The following CCSER1 variants were observed in gnomAD, a reference collection of about 807,000 sequenced individuals.
CCSER1 encodes the protein coiled-coil serine rich protein 1.
Under a neutral mutation model 82.0 loss-of-function variants are expected in CCSER1, and 41 were observed. The ratio of observed to expected loss-of-function variants is 0.50; its 90% CI spans 0.39 to 0.65. The LOEUF is 0.65. Among genes scored for constraint, CCSER1 ranks in the 30% least tolerant of loss-of-function variants. CCSER1 has a pLI of 0.00. For missense variants in CCSER1, 1,119 were observed against 1,064.2 expected (o/e 1.05, Z -0.72); for synonymous variants, 414 against 383.9 (o/e 1.08, Z -0.92).
chr4:91,511,002 G>A (rs1355084655), intron 10 of CCSER1, among the ~76,000 whole-genome samples: 2 of 152,060 alleles, frequency 1.3e-5, no homozygotes, highest in Non-Finnish European at 2.9e-5. Context: ...GCTAATTTTT[G>A]TATATGGCGA....
At chr4:90,709,097 T>A (rs1405473007) in intron 6 of CCSER1, among the ~76,000 whole-genome samples, 1 of 152,162 alleles carries the variant, frequency 6.6e-6, no homozygotes, top group Non-Finnish European at 1.5e-5. Flanking sequence ...ATGACAGGAT[T>A]AATGAAGTTA....
intron 9 of CCSER1, among the ~76,000 whole-genome samples, chr4:91,011,199 CTG>C (rs1449950359): frequency 1.5e-5 from 2 of 134,582 alleles, no homozygotes; most frequent in African/African-American, 5.0e-5. Flanking sequence ...TCAGTGATGA[CTG>C]TGGGTGCCTC....
Position 91,598,951 on chromosome 4 carries a change from C to T in CCSER1, c.2597C>T (p.Pro866Leu). The change falls in exon 11 of 11, where the codon CCA (proline) becomes CTA (leucine). Residue 866 changes from proline (P) to leucine (L), a missense_variant. Coordinates refer to ENST00000509176, the MANE Select transcript of CCSER1 (RefSeq NM_001145065.2). ...ACCTTTACAGGCAGGTTTGGACAGCCACCCAGAGGGCCAATCTCTTTACAC... is the reference window on the plus strand; with the variant it reads ...ACCTTTACAGGCAGGTTTGGACAGCTACCCAGAGGGCCAATCTCTTTACAC... ...HSTFTGRFGQ[P>L]PRGPISLHMY... 6.4e-7 allele frequency: 1 copy of T among 1,551,548 alleles called. No homozygotes were observed. The highest frequency in any genetic ancestry group is 8.7e-7 in the Non-Finnish European group (1 of 1,146,906).
intron 10 of CCSER1, among the ~76,000 whole-genome samples, chr4:91,550,716 G>A (rs1218800536): frequency 1.3e-5 from 2 of 152,118 alleles, no homozygotes; most frequent in African/African-American, 4.8e-5. Context: ...AGTGCCTGGA[G>A]CAGAATTGGT....
At chr4:90,684,676 C>T (rs1734482705) in intron 6 of CCSER1, among the ~76,000 whole-genome samples, 1 of 152,242 alleles carries the variant, frequency 6.6e-6, no homozygotes, top group African/African-American at 2.4e-5. Flanking sequence ...TATGGTTTGG[C>T]TGTGTCCCCA....
chr4:90,494,763 T>A (rs552465737), intron 5 of CCSER1, among the ~76,000 whole-genome samples: 1 of 152,138 alleles, frequency 6.6e-6, no homozygotes, highest in Non-Finnish European at 1.5e-5. Flanking sequence ...TATTACTAAA[T>A]CAACTCCCTA....
Position 91,234,966 on chromosome 4 carries a change from T to C in CCSER1, c.2217+148972T>C, listed in dbSNP as rs559686954. 2.1e-4 allele frequency among the ~76,000 whole-genome samples: 32 copies of C among 152,150 alleles called. 1 individual carries two copies. The South Asian group carries it at 6.2e-3, about 30-fold the overall frequency. On this transcript the variant is annotated intron_variant, in intron 10 of 10. Coordinates refer to ENST00000509176, the MANE Select transcript of CCSER1 (RefSeq NM_001145065.2). ...AGCAGTCTATTCCTTTGAGAGGCAA[T>C]ATAGCCTAGAGGTTAAGAGTGCCAA...
At chr4:90,592,442 T>C (rs10030843) in intron 5 of CCSER1, among the ~76,000 whole-genome samples, 55,284 of 151,982 alleles carry the variant, frequency 0.36, 11,598 homozygotes, top group East Asian at 0.57. Context: ...CATAGTAAAA[T>C]AGCTATATGT....
chr4:91,487,387 T>C (rs1758278557), intron 10 of CCSER1, among the ~76,000 whole-genome samples: 1 of 152,122 alleles, frequency 6.6e-6, no homozygotes, highest in African/African-American at 2.4e-5. Context: ...TGCTCTTTTG[T>C]TGTGGAGAAA....
rs554267540 is a variant in CCSER1 at position 90,568,827 on chromosome 4, G to A, written c.1725-59198G>A. Among the ~76,000 whole-genome samples, 51 of 147,212 alleles carry A rather than the reference G, an allele frequency of 3.5e-4. 1 individual carries two copies. The South Asian group carries it at 9.3e-3, about 27-fold the overall frequency. On this transcript the variant is annotated intron_variant, in intron 5 of 10. Coordinates refer to ENST00000509176, the MANE Select transcript of CCSER1 (RefSeq NM_001145065.2). ...GCCCAGGCTGCAATGCAGTGGCACC[G>A]TGCCGTGTCGGCTCACTGCAACCTC... is the stretch of plus-strand genomic sequence containing the variant.
Position 90,411,311 on chromosome 4 carries a change from G to A in CCSER1, c.1603+11182G>A, listed in dbSNP as rs995673214. On this transcript the variant is annotated intron_variant, in intron 4 of 10. Transcript: ENST00000509176. ...CATCCTGATACCAAAGCCTGGCAGA[G>A]ACACAACAAAAAAAGAGAATTTGAG... Among the ~76,000 whole-genome samples, 4 of 152,208 alleles carry A rather than the reference G, an allele frequency of 2.6e-5. No homozygotes were observed. The South Asian group carries it at 8.3e-4, about 32-fold the overall frequency.
chr4:90,466,321 A>G (rs980732770), intron 4 of CCSER1, among the ~76,000 whole-genome samples: 8 of 152,224 alleles, frequency 5.3e-5, no homozygotes, highest in African/African-American at 1.9e-4. Flanking sequence ...GATGTTCCCC[A>G]CTGCTGAGAT....
chr4:91,053,859 C>A (rs896992845), intron 9 of CCSER1, among the ~76,000 whole-genome samples: 8 of 152,138 alleles, frequency 5.3e-5, no homozygotes, highest in Admixed American at 5.2e-4. Flanking sequence ...TCTGTTCATA[C>A]TGTAATGTCT....
intron 5 of CCSER1, among the ~76,000 whole-genome samples, chr4:90,611,649 T>C (rs899436209): frequency 6.6e-6 from 1 of 150,890 alleles, no homozygotes; most frequent in African/African-American, 2.4e-5. Flanking sequence ...AGGATATTTC[T>C]ATAATACCAT....
chr4:90,201,901 C>G (rs2153406423), intron 1 of CCSER1, among the ~76,000 whole-genome samples: 1 of 152,086 alleles, frequency 6.6e-6, no homozygotes, highest in East Asian at 1.9e-4. Flanking sequence ...AGCTGTTGAA[C>G]AGGTTACCAG....
At chr4:90,203,676 A>C (rs1182222697) in intron 1 of CCSER1, among the ~76,000 whole-genome samples, 6 of 152,200 alleles carry the variant, frequency 3.9e-5, no homozygotes, top group Non-Finnish European at 8.8e-5. Flanking sequence ...GTGTATGTAT[A>C]GTAGAATGAT....
At chr4:90,998,094 T>G (rs977070570) in intron 9 of CCSER1, among the ~76,000 whole-genome samples, 2 of 152,174 alleles carry the variant, frequency 1.3e-5, no homozygotes, top group Admixed American at 1.3e-4. Context: ...TTATTTCTTT[T>G]TTTGAGATAC....
intron 7 of CCSER1, among the ~76,000 whole-genome samples, chr4:90,786,192 G>A (rs897183098): frequency 6.6e-6 from 1 of 152,160 alleles, no homozygotes; most frequent in African/African-American, 2.4e-5. Flanking sequence ...TGTAGGGCAC[G>A]TGGAAGCGCA....
chr4:90,544,995 G>T (rs1341949203), intron 5 of CCSER1, among the ~76,000 whole-genome samples: 3 of 152,094 alleles, frequency 2.0e-5, no homozygotes, highest in Non-Finnish European at 4.4e-5. Context: ...GAGCAAATTG[G>T]CTGTTAATGT....
Sources: gnomAD v4.1 joint callset for allele counts (sites outside exome capture counted in the v4.1 genomes callset) on GRCh38, gnomAD v4.1.1 for gene constraint, MANE v1.5 for transcripts, NCBI Gene and HGNC (gene_info 2026-07-23, HGNC 2026-07-21) for gene names.